KIAA1549: variants seen among roughly 807,000 people sequenced by gnomAD.
KIAA1549 encodes the protein UPF0606 protein KIAA1549.
In KIAA1549, 70 loss-of-function variants were observed where a neutral mutation model predicts 156.4. The observed-to-expected ratio is 0.45, with a 90% CI of 0.37 to 0.55. The LOEUF is 0.55. Among genes scored for constraint, KIAA1549 ranks in the 20% least tolerant of loss-of-function variants. The pLI is 0.00. For missense variants in KIAA1549, 2,428 were observed against 2,540.9 expected, an observed-to-expected ratio of 0.96 and a Z score of 0.96; for synonymous variants, 1,103 against 1,066.4, an observed-to-expected ratio of 1.03 and a Z score of -0.67.
intron 3 of KIAA1549, among the ~76,000 whole-genome samples, chr7:138,912,124 G>C (rs979802521): frequency 1.3e-5 from 2 of 152,192 alleles, no homozygotes; most frequent in African/African-American, 4.8e-5. Context: ...AGAGCCCTTT[G>C]TTCCAACTCT....
At position 138,865,570 on chromosome 7, in the gene KIAA1549, C is replaced by T. The variant is rs147837959; in HGVS notation, c.4929+2405G>A. 9.7e-4 allele frequency among the ~76,000 whole-genome samples: 147 copies of T among 152,188 alleles called. 1 individual carries two copies. The highest frequency in any genetic ancestry group is 3.5e-3 in the African/African-American group (145 of 41,522). ...TTTAAAGTGTTTCAGAATTCAAAAT[C>T]TGAGGAAGATTTTTATTTTGGGGCA... On this transcript the variant is annotated intron_variant, in intron 15 of 19. Coordinates refer to ENST00000422774, the MANE Select transcript of KIAA1549 (RefSeq NM_001164665.2).
intron 1 of KIAA1549, among the ~76,000 whole-genome samples, chr7:138,956,122 G>T (rs970789799): frequency 6.6e-6 from 1 of 152,070 alleles, no homozygotes; most frequent in Non-Finnish European, 1.5e-5. Context: ...TTGAACTCCC[G>T]ACCTCAAGCG....
At chr7:138,863,730 G>A (rs1038716853) in intron 15 of KIAA1549, among the ~76,000 whole-genome samples, 2 of 152,146 alleles carry the variant, frequency 1.3e-5, no homozygotes, top group Non-Finnish European at 2.9e-5. Context: ...TGGGGTAGGT[G>A]CTCTTCTCTC....
chr7:138,908,722 G>C (rs1812078803), intron 5 of KIAA1549, among the ~76,000 whole-genome samples: 1 of 152,150 alleles, frequency 6.6e-6, no homozygotes, highest in Non-Finnish European at 1.5e-5. Context: ...TTCCTTTCTA[G>C]GTAATTCTTG....
At chr7:138,899,650 T>C (rs1255676033) in intron 8 of KIAA1549, among the ~76,000 whole-genome samples, 1 of 152,088 alleles carries the variant, frequency 6.6e-6, no homozygotes, top group Non-Finnish European at 1.5e-5. Context: ...CTGTAGATGG[T>C]TAGTAGTATC....
At chr7:138,942,571 C>T (rs969758213) in intron 1 of KIAA1549, among the ~76,000 whole-genome samples, 1 of 151,778 alleles carries the variant, frequency 6.6e-6, no homozygotes, top group Non-Finnish European at 1.5e-5. Context: ...AGGCACCAGC[C>T]TTCTCAAGCA....
At chr7:138,887,061 C>G (rs1214489594) in intron 10 of KIAA1549, among the ~76,000 whole-genome samples, 2 of 152,028 alleles carry the variant, frequency 1.3e-5, no homozygotes, top group Non-Finnish European at 2.9e-5. Context: ...ACCACCACGT[C>G]TGGCTAACTT....
intron 1 of KIAA1549, 181 bp from the exon 2 acceptor site, chr7:138,919,619 A>T: frequency 9.3e-7 from 1 of 1,079,302 alleles, no homozygotes; most frequent in Non-Finnish European, 1.3e-6. Context: ...TACCATCAGG[A>T]CAATATCTGC....
intron 6 of KIAA1549, 99 bp downstream of exon 6, chr7:138,906,820 A>T: frequency 1.1e-6 from 1 of 916,332 alleles, no homozygotes; most frequent in Non-Finnish European, 1.6e-6. Flanking sequence ...TTTTTAAAAA[A>T]TCAAGTCTTT....
intron 15 of KIAA1549, among the ~76,000 whole-genome samples, chr7:138,862,843 T>G (rs1810627444): frequency 6.6e-6 from 1 of 152,088 alleles, no homozygotes; most frequent in Admixed American, 6.5e-5. Flanking sequence ...AGCAGGAGAA[T>G]CGCTTGAACC....
chr7:138,861,579 A>G (rs1048902489), intron 15 of KIAA1549, 123 bp from the exon 16 acceptor site: 4 of 790,672 alleles, frequency 5.1e-6, no homozygotes, highest in South Asian at 1.6e-5. Flanking sequence ...GAGGCTGTGC[A>G]CAGTGGCTCA....
Position 138,881,394 on chromosome 7 carries a change from C to G in KIAA1549, c.4223G>C (p.Arg1408Thr). 1 of 1,613,256 alleles carries G rather than the reference C, an allele frequency of 6.2e-7. No homozygotes were observed. The highest frequency in any genetic ancestry group is 8.5e-7 in the Non-Finnish European group (1 of 1,179,684). The change falls in exon 11 of 20, where the codon AGA becomes ACA. Residue 1408 changes from arginine (R) to threonine (T), a missense_variant. By Grantham distance (71) the Arg-to-Thr change is moderately conservative (BLOSUM62 -1). Transcript: ENST00000422774. ...SKIPSKNVRH[R>T]GRVSPSDADS... ...CAGAAAGCCCAATAATAACCTTCCT[C>G]TGTGACGAACATTCTTGGAAGGGAT...
At chr7:138,840,324 G>C in intron 18 of KIAA1549, 46 bp from the exon 19 acceptor site, 2 of 1,562,168 alleles carry the variant, frequency 1.3e-6, no homozygotes, top group Non-Finnish European at 1.7e-6. Flanking sequence ...TTATAGGAGA[G>C]TATGGCTGCT....
chr7:138,919,205 T>C lies in KIAA1549; in HGVS notation c.421A>G (p.Thr141Ala), dbSNP rs1201645604. 3 of 1,614,022 alleles carry C rather than the reference T, an allele frequency of 1.9e-6. No individual in the cohort carries two copies. The highest frequency in any genetic ancestry group is 2.2e-5 in the East Asian group (1 of 44,880). ...TCTTTACTCGTCACTGACACGTAAG[T>C]TGCCACAAAGATGCTGGGATCTGCT... ...STADPSIFVA[T>A]YVSVTSKEVA... Residue 141 changes from threonine (T) to alanine (A), a missense_variant, in exon 2 of 20, where the codon ACT becomes GCT. By Grantham distance (58) the Thr-to-Ala change is moderately conservative. Around this residue, in one of 5 missense-constraint regions of KIAA1549, gnomAD observed 893 missense variants for 847.9 expected, o/e 1.05. Coordinates refer to ENST00000422774, the MANE Select transcript of KIAA1549 (RefSeq NM_001164665.2).
intron 12 of KIAA1549, among the ~76,000 whole-genome samples, chr7:138,872,539 C>T (rs1212979613): frequency 6.6e-6 from 1 of 152,088 alleles, no homozygotes; most frequent in Non-Finnish European, 1.5e-5. Flanking sequence ...TCCCAATACA[C>T]TTTAATTTTG....
At chr7:138,937,533 T>C (rs537723526) in intron 1 of KIAA1549, among the ~76,000 whole-genome samples, 81 of 152,116 alleles carry the variant, frequency 5.3e-4, no homozygotes, top group African/African-American at 1.9e-3. Flanking sequence ...ACAATAATGA[T>C]GAACAGAGAA....
At chr7:138,905,869 G>C (rs1011743456) in intron 6 of KIAA1549, among the ~76,000 whole-genome samples, 2 of 152,034 alleles carry the variant, frequency 1.3e-5, no homozygotes, top group South Asian at 4.2e-4. Flanking sequence ...ACAGTTTTAT[G>C]GGTTTTGATA....
intron 1 of KIAA1549, among the ~76,000 whole-genome samples, chr7:138,945,232 AG>A (rs1206602187): frequency 1.3e-5 from 2 of 152,166 alleles, no homozygotes; most frequent in Admixed American, 1.3e-4. Context: ...AGACTCTCTG[AG>A]GGGGTGAGGC....
chr7:138,879,781 T>C, intron 11 of KIAA1549, 128 bp from the exon 12 acceptor site: 1 of 626,476 alleles, frequency 1.6e-6, no homozygotes, highest in Non-Finnish European at 2.8e-6. Context: ...TCCAAAAAAT[T>C]ATTCCATAGC....
Sources: allele counts gnomAD v4.1 joint callset (sites outside exome capture counted in the v4.1 genomes callset), GRCh38; gene constraint gnomAD v4.1.1; regional missense constraint gnomAD v4.1.1; transcripts MANE v1.5; gene names NCBI Gene and HGNC (gene_info 2026-07-23, HGNC 2026-07-21).